The following DENND2B variants were observed in gnomAD, a reference collection of about 807,000 sequenced individuals.
The protein encoded by DENND2B is DENN domain containing 2B.
Under a neutral mutation model 116.0 loss-of-function variants are expected in DENND2B, and 32 were observed. The ratio of observed to expected loss-of-function variants is 0.28; its 90% CI spans 0.21 to 0.37. DENND2B has a LOEUF of 0.37. Ranked by LOEUF, DENND2B falls within the 10% of genes least tolerant of loss-of-function variation. The probability of loss-of-function intolerance (pLI) is 1.00; values close to 1 mark genes in which losing one functional copy is unlikely to be tolerated. For synonymous variants in DENND2B, 588 were observed against 583.9 expected (o/e 1.01, Z -0.10); for missense variants, 1,276 against 1,477.7 (o/e 0.86, Z 2.24).
chr11:8,882,185 C>A (rs567415208), intron 1 of DENND2B, among the ~76,000 whole-genome samples: 1 of 152,316 alleles, frequency 6.6e-6, no homozygotes, highest in East Asian at 1.9e-4. Flanking sequence ...CCAGACACCT[C>A]AAACTTTACA....
intron 1 of DENND2B, chr11:8,776,166 A>ACGCGCGCG (rs2057678980): frequency 3.7e-6 from 1 of 272,050 alleles, no homozygotes; most frequent in African/African-American, 2.2e-5. Context: ...GCGCGCACAC[A>ACGCGCGCG]CACACACACA....
At chr11:8,742,671 G>A (rs1028432276) in intron 2 of DENND2B, among the ~76,000 whole-genome samples, 7 of 152,322 alleles carry the variant, frequency 4.6e-5, no homozygotes, top group Non-Finnish European at 7.4e-5. Context: ...GAGCTGTTTC[G>A]TTGTTAAAAT....
intron 2 of DENND2B, among the ~76,000 whole-genome samples, chr11:8,739,037 A>T (rs1042651784): frequency 6.6e-6 from 1 of 152,202 alleles, no homozygotes. Flanking sequence ...AGGTGGTAAC[A>T]GTATCTTGTT....
chr11:8,814,267 C>CTTTTTTTT (rs78274604), upstream of DENND2B, among the ~76,000 whole-genome samples: 8 of 121,502 alleles, frequency 6.6e-5, no homozygotes, highest in South Asian at 5.5e-4. Flanking sequence ...TCTGAATCAC[C>CTTTTTTTT]TTTTTTTTTT....
intron 1 of DENND2B, chr11:8,794,742 C>T (rs1405696409): frequency 6.6e-6 from 1 of 152,284 alleles, no homozygotes; most frequent in African/African-American, 2.4e-5. Flanking sequence ...AGCCACACTG[C>T]TCTGTGGGAA....
In DENND2B at chr11:8,864,961, A is replaced by T. The variant is rs555082969; in HGVS notation, c.-250+5993T>A. ...CATCAAAGAAAGAAAAAAGCCACCC[A>T]AAGTGACCCCTGCCTACTCAAAGGA... On this transcript the variant is annotated intron_variant, in intron 2 of 6. Transcript: ENST00000524757. Among the ~76,000 whole-genome samples, 6 of 152,358 alleles carry T rather than the reference A, an allele frequency of 3.9e-5. No individual in the cohort carries two copies. In the South Asian group the frequency reaches 1.0e-3, roughly 26 times the overall value.
At chr11:8,740,615 T>G (rs12296005) in intron 2 of DENND2B, among the ~76,000 whole-genome samples, 12,225 of 152,068 alleles carry the variant, frequency 0.08, 702 homozygotes, top group East Asian at 0.21. Context: ...GTACCATGAG[T>G]GCCATGAGTG....
Position 8,702,751 on chromosome 11 carries a change from G to A in DENND2B, c.2572-31C>T. On this transcript the variant is annotated intron_variant, in intron 13 of 19. Coordinates refer to ENST00000313726, the MANE Select transcript of DENND2B (RefSeq NM_213618.2). The surrounding 1 kb of genome is among the most constrained non-coding windows in gnomAD (Gnocchi z 4.6). ...GGAGAGCGATGGGAAAGTGGGCCGG[G>A]GCCAGCCAAGTGGGTGCTGCCCTCT... 6.2e-7 allele frequency: 1 copy of A among 1,605,474 alleles called. No homozygotes were observed. The highest frequency in any genetic ancestry group is 8.5e-7 in the Non-Finnish European group (1 of 1,176,210).
chr11:8,868,201 CAGTA>C (rs1294899708), intron 2 of DENND2B, among the ~76,000 whole-genome samples: 1 of 152,224 alleles, frequency 6.6e-6, no homozygotes, highest in Admixed American at 6.5e-5. Flanking sequence ...CTGCAGGGTA[CAGTA>C]AGTGAGACAG....
chr11:8,736,458 TG>T (rs1447486920), intron 2 of DENND2B, among the ~76,000 whole-genome samples: 1 of 152,302 alleles, frequency 6.6e-6, no homozygotes, highest in South Asian at 2.1e-4. Context: ...TTGCCTTATT[TG>T]TTTAGAGTGA....
chr11:8,783,807 A>G (rs1482342098), intron 1 of DENND2B, among the ~76,000 whole-genome samples: 1 of 152,212 alleles, frequency 6.6e-6, no homozygotes, highest in Non-Finnish European at 1.5e-5. Context: ...ACAGAAGTAT[A>G]ACAAAAGCTC....
At chr11:8,870,975 C>G (rs943708564) in exon 2 of DENND2B, 1 of 151,778 alleles carries the variant, frequency 6.6e-6, no homozygotes, top group Non-Finnish European at 1.5e-5. Context: ...CCAGCCGGGC[C>G]GGGCGCGGCG....
chr11:8,899,181 G>T (rs2064136002), intron 1 of DENND2B, among the ~76,000 whole-genome samples: 1 of 151,784 alleles, frequency 6.6e-6, no homozygotes, highest in Non-Finnish European at 1.5e-5. Flanking sequence ...AAAAGAAAAA[G>T]AATGAAGAAA....
chr11:8,804,733 C>G (rs2060690100), intron 1 of DENND2B, among the ~76,000 whole-genome samples: 2 of 151,882 alleles, frequency 1.3e-5, no homozygotes, highest in Non-Finnish European at 2.9e-5. Context: ...TTAGTAGAGA[C>G]AGGGTTTTAC....
intron 14 of DENND2B, chr11:8,700,150 C>G: frequency 2.7e-6 from 1 of 373,128 alleles, no homozygotes; most frequent in South Asian, 2.0e-5. Flanking sequence ...GGTCCAGGCT[C>G]TCTTAGGGGC....
intron 1 of DENND2B, chr11:8,757,093 C>A (rs1271992218): frequency 2.2e-6 from 1 of 456,292 alleles, no homozygotes; most frequent in Admixed American, 2.3e-5. Context: ...GGCACAGTCG[C>A]AGGCCCCGAG....
At chr11:8,697,933 A>G (rs1187294281) in intron 16 of DENND2B, 1 of 494,388 alleles carries the variant, frequency 2.0e-6, no homozygotes, top group Admixed American at 2.5e-5. Context: ...GGAGTTCGAG[A>G]CCAGCCTGGG....
chr11:8,895,234 C>T (rs1418376450), intron 1 of DENND2B, among the ~76,000 whole-genome samples: 1 of 151,866 alleles, frequency 6.6e-6, no homozygotes, highest in Non-Finnish European at 1.5e-5. Context: ...GAACATCACA[C>T]ACCAGGGCCT....
intron 4 of DENND2B, among the ~76,000 whole-genome samples, chr11:8,827,153 C>T (rs7943377): frequency 0.35 from 53,210 of 152,086 alleles, 10,676 homozygotes; most frequent in Non-Finnish European, 0.44. Context: ...TTCAGAAAGC[C>T]TTTATTCCCT....
Sources: allele counts gnomAD v4.1 joint callset (sites outside exome capture counted in the v4.1 genomes callset), GRCh38; gene constraint gnomAD v4.1.1; non-coding constraint Gnocchi (gnomAD v3.1); transcripts MANE v1.5; gene names NCBI Gene and HGNC (gene_info 2026-07-23, HGNC 2026-07-21).